DHRS3: variants seen among roughly 807,000 people sequenced by gnomAD.
DHRS3 encodes the protein short-chain dehydrogenase/reductase 3.
DHRS3 carries 14 observed loss-of-function variants against 27.2 expected under a neutral mutation model. The ratio of observed to expected loss-of-function variants is 0.52; its 90% CI spans 0.34 to 0.81. The LOEUF (loss-of-function observed/expected upper bound fraction) is 0.81, where lower values mean the gene tolerates loss of function less well. Ranked by LOEUF, DHRS3 falls within the 30% of genes least tolerant of loss-of-function variation. The probability of loss-of-function intolerance (pLI) is 0.01; values close to 1 mark genes in which losing one functional copy is unlikely to be tolerated. For synonymous variants in DHRS3, 165 were observed against 175.9 expected (o/e 0.94, Z 0.49); for missense variants, 322 against 406.2 (o/e 0.79, Z 1.78).
chr1:12,617,488 CTT>C lies in DHRS3; in HGVS notation c.-142_-141del. ...CACCTGGCCACTCTTGAAATCACCTCTTCCCAAATGCAAAGCACCGGGTGAGA... is the reference window on the plus strand; with the variant it reads ...CACCTGGCCACTCTTGAAATCACCTCCCCAAATGCAAAGCACCGGGTGAGA... On this transcript the variant is annotated 5_prime_UTR_variant, in exon 1 of 6. Coordinates refer to ENST00000616661, the MANE Select transcript of DHRS3 (RefSeq NM_004753.7). 1 of 471,590 alleles carries C rather than the reference CTT, an allele frequency of 2.1e-6. No individual in the cohort carries two copies. The highest frequency in any genetic ancestry group is 3.5e-6 in the Non-Finnish European group (1 of 287,754). 29.2% of individuals were successfully genotyped at this position (471,590 alleles called of 1,614,324 possible).
chr1:12,578,411 A>G lies in DHRS3; in HGVS notation c.698+307T>C, dbSNP rs989417553. ...TTGCAGCCTCAACTTCCTGGGCTCA[A>G]GCAATTGATCCTCCCACCTCAGCCT... is the stretch of plus-strand genomic sequence containing the variant. On this transcript the variant is annotated intron_variant, in intron 4 of 5. Transcript: ENST00000616661. This position sits in a 1 kb window ranked among gnomAD's most constrained non-coding sequence, Gnocchi z 4.5. 6.6e-6 allele frequency among the ~76,000 whole-genome samples: 1 copy of G among 152,200 alleles called. No homozygotes were observed. Among genetic ancestry groups the G allele is most frequent in the African/African-American group, 2.4e-5 (1 of 41,452 alleles).
rs1646759403 is a variant in DHRS3 at position 12,593,011 on chromosome 1, G to A, written c.196-12345C>T. On this transcript the variant is annotated intron_variant, in intron 1 of 5. Transcript: ENST00000616661. This position sits in a 1 kb window ranked among gnomAD's most constrained non-coding sequence, Gnocchi z 4.6. ...GCGCCCTTCACCTGGAGCACAAGTG[G>A]ACCCCTCACCTGGTCCCAAAAGGTC... 6.6e-6 allele frequency among the ~76,000 whole-genome samples: 1 copy of A among 152,150 alleles called. No individual in the cohort carries two copies. Among genetic ancestry groups the A allele is most frequent in the Non-Finnish European group, 1.5e-5 (1 of 68,026 alleles).
intron 1 of DHRS3, among the ~76,000 whole-genome samples, chr1:12,600,062 G>A (rs1164408338): frequency 6.6e-6 from 1 of 152,168 alleles, no homozygotes; most frequent in African/African-American, 2.4e-5. Flanking sequence ...GGCTCAGAGA[G>A]GTCCAGTAAC....
At chr1:12,614,330 AGTTTAAG>A (rs2100730180) in intron 1 of DHRS3, among the ~76,000 whole-genome samples, 1 of 152,262 alleles carries the variant, frequency 6.6e-6, no homozygotes, top group South Asian at 2.1e-4. Flanking sequence ...AAGGGGAATA[AGTTTAAG>A]GTTTGTGAAT....
intron 1 of DHRS3, among the ~76,000 whole-genome samples, chr1:12,590,608 C>G (rs566012551): frequency 3.9e-4 from 60 of 152,050 alleles, no homozygotes; most frequent in Non-Finnish European, 7.6e-4. Context: ...CCGTGCCCGA[C>G]CTAGAATAGT....
In DHRS3 at chr1:12,593,708, C is replaced by T. The variant is rs1355826636; in HGVS notation, c.196-13042G>A. On this transcript the variant is annotated intron_variant, in intron 1 of 5. Coordinates refer to ENST00000616661, the MANE Select transcript of DHRS3 (RefSeq NM_004753.7). This position sits in a 1 kb window ranked among gnomAD's most constrained non-coding sequence, Gnocchi z 4.6. ...GACACTCCTTCAAATGCTAAAACCA[C>T]GCCCTGCCAAGAGCCAGTACGTGAC... 6.6e-6 allele frequency among the ~76,000 whole-genome samples: 1 copy of T among 152,176 alleles called. No individual in the cohort carries two copies. Among genetic ancestry groups the T allele is most frequent in the African/African-American group, 2.4e-5 (1 of 41,430 alleles).
intron 1 of DHRS3, among the ~76,000 whole-genome samples, chr1:12,610,119 C>A (rs1646897221): frequency 6.6e-6 from 1 of 152,152 alleles, no homozygotes; most frequent in Non-Finnish European, 1.5e-5. Flanking sequence ...CCCACTGTTG[C>A]TCAGGCTGGA....
chr1:12,577,315 T>G (rs1474060018), intron 4 of DHRS3, among the ~76,000 whole-genome samples: 1 of 152,186 alleles, frequency 6.6e-6, no homozygotes, highest in Non-Finnish European at 1.5e-5. Flanking sequence ...AGATTCCACT[T>G]TGTCCTCACT....
chr1:12,607,676 C>T (rs1646880261), intron 1 of DHRS3, among the ~76,000 whole-genome samples: 1 of 152,108 alleles, frequency 6.6e-6, no homozygotes, highest in South Asian at 2.1e-4. Flanking sequence ...CAAAGGGCAT[C>T]CATTTCTCTT....
intron 1 of DHRS3, among the ~76,000 whole-genome samples, chr1:12,610,432 C>G (rs1350020978): frequency 2.0e-5 from 3 of 152,150 alleles, no homozygotes; most frequent in African/African-American, 7.2e-5. Context: ...AAAATGCCAG[C>G]TCTCACTACA....
At chr1:12,616,846 C>T (rs973318838) in intron 1 of DHRS3, 14 of 1,092,500 alleles carry the variant, frequency 1.3e-5, no homozygotes, top group Middle Eastern at 3.5e-4. Context: ...GGGGGCACAA[C>T]ACCTTCCTTT....
In DHRS3 at chr1:12,574,828, G is replaced by A. The variant is rs1191460829; in HGVS notation, c.699-1975C>T. Among the ~76,000 whole-genome samples, 1 of 152,242 alleles carries A rather than the reference G, an allele frequency of 6.6e-6. No homozygotes were observed. The highest frequency in any genetic ancestry group is 6.5e-5 in the Admixed American group (1 of 15,286). Reference sequence around the variant, plus strand: ...ACAGCTATTAACTCCCATGGAAGCAGTGCAAATTCGTGGAAGAAGCATGCT... The same window carrying A: ...ACAGCTATTAACTCCCATGGAAGCAATGCAAATTCGTGGAAGAAGCATGCT... On this transcript the variant is annotated intron_variant, in intron 4 of 5. Coordinates refer to ENST00000616661, the MANE Select transcript of DHRS3 (RefSeq NM_004753.7). This position sits in a 1 kb window ranked among gnomAD's most constrained non-coding sequence, Gnocchi z 4.6.
intron 1 of DHRS3, chr1:12,616,747 C>T: frequency 9.8e-7 from 1 of 1,015,448 alleles, no homozygotes; most frequent in Non-Finnish European, 1.2e-6. Flanking sequence ...GAGGCGCCAG[C>T]TAGCAGGCGG....
At chr1:12,571,044 C>T (rs766626936) in intron 5 of DHRS3, among the ~76,000 whole-genome samples, 6 of 152,214 alleles carry the variant, frequency 3.9e-5, no homozygotes, top group Admixed American at 3.3e-4. Context: ...CAGGGGCCAG[C>T]CTGGCACTTG....
At chr1:12,590,261 C>T (rs535229025) in intron 1 of DHRS3, among the ~76,000 whole-genome samples, 1 of 152,244 alleles carries the variant, frequency 6.6e-6, no homozygotes, top group East Asian at 1.9e-4. Flanking sequence ...GGCTTCTCCT[C>T]ACTCCTGCCC....
At chr1:12,573,152 C>T (rs538663681) in intron 4 of DHRS3, among the ~76,000 whole-genome samples, 3 of 152,186 alleles carry the variant, frequency 2.0e-5, no homozygotes, top group African/African-American at 7.2e-5. Context: ...CATGGCCCTG[C>T]GTAATCTGGG....
intron 1 of DHRS3, chr1:12,600,290 C>T (rs1023753192): frequency 2.5e-5 from 24 of 953,474 alleles, no homozygotes; most frequent in Non-Finnish European, 2.9e-5. Context: ...ATCCCCAAAG[C>T]CAAGGCATGG....
intron 5 of DHRS3, among the ~76,000 whole-genome samples, chr1:12,569,108 C>G (rs575468280): frequency 2.0e-5 from 3 of 152,076 alleles, no homozygotes; most frequent in African/African-American, 7.2e-5. Context: ...ATCCCAGCTA[C>G]TCGGGAGACT....
In DHRS3 at chr1:12,594,401, A is replaced by G. The variant is rs1646771560; in HGVS notation, c.196-13735T>C. ...TTTGCTTGTGTGTAAGTCCGGGGACAATGAGCATGAACACTTGTTCACGTG... is the reference window on the plus strand; with the variant it reads ...TTTGCTTGTGTGTAAGTCCGGGGACGATGAGCATGAACACTTGTTCACGTG... On this transcript the variant is annotated intron_variant, in intron 1 of 5. Transcript: ENST00000616661. The surrounding 1 kb of genome is among the most constrained non-coding windows in gnomAD (Gnocchi z 4.1). 6.6e-6 allele frequency among the ~76,000 whole-genome samples: 1 copy of G among 152,194 alleles called. No homozygotes were observed. Among genetic ancestry groups the G allele is most frequent in the African/African-American group, 2.4e-5 (1 of 41,438 alleles).
Sources: gnomAD v4.1 joint callset for allele counts (sites outside exome capture counted in the v4.1 genomes callset) on GRCh38, gnomAD v4.1.1 for gene constraint, Gnocchi (gnomAD v3.1) non-coding constraint, MANE v1.5 for transcripts, NCBI Gene and HGNC (gene_info 2026-07-23, HGNC 2026-07-21) for gene names.